Variants in RBFOX3 observed in about 807,000 individuals in gnomAD.
RBFOX3 encodes the protein RNA binding fox-1 homolog 3.
RBFOX3 carries 17 observed loss-of-function variants against 48.7 expected under a neutral mutation model. The ratio of observed to expected loss-of-function variants is 0.35; its 90% CI spans 0.24 to 0.52. The LOEUF (loss-of-function observed/expected upper bound fraction) is 0.52, where lower values mean the gene tolerates loss of function less well. Ranked by LOEUF, RBFOX3 falls within the 20% of genes least tolerant of loss-of-function variation. The pLI is 0.94. For synonymous variants in RBFOX3, 212 were observed against 209.5 expected (o/e 1.01, Z -0.10); for missense variants, 382 against 497.5 (o/e 0.77, Z 2.21).
At chr17:79,630,073 G>A in the RBFOX3 span, among the ~76,000 whole-genome samples, 1 of 152,150 alleles carries the variant, frequency 6.6e-6, no homozygotes, top group African/African-American at 2.4e-5. Context: ...AAAACTATAA[G>A]GAAAAATTTT....
chr17:79,215,781 G>C (rs1319835340), intron 4 of RBFOX3, among the ~76,000 whole-genome samples: 1 of 152,264 alleles, frequency 6.6e-6, no homozygotes, highest in Non-Finnish European at 1.5e-5. Context: ...CCCTCTCTCA[G>C]CCTGCCCTGA....
intron 2 of RBFOX3, among the ~76,000 whole-genome samples, chr17:79,449,019 G>A (rs1027364313): frequency 9.2e-5 from 14 of 152,056 alleles, no homozygotes; most frequent in Non-Finnish European, 1.5e-4. Flanking sequence ...TGCCTGCCTC[G>A]GCCACTGGGT....
In RBFOX3 at chr17:79,430,031, G is replaced by A. The variant is rs1443250565; in HGVS notation, c.-175+52423C>T. Among the ~76,000 whole-genome samples, 3 of 152,134 alleles carry A rather than the reference G, an allele frequency of 2.0e-5. No homozygotes were observed. The East Asian group carries it at 5.8e-4, about 29-fold the overall frequency. On this transcript the variant is annotated intron_variant, in intron 2 of 14. Coordinates refer to ENST00000693108, the MANE Select transcript of RBFOX3 (RefSeq NM_001350451.2). ...GGCAGGGGGCTGCCGAGGCGAGGTG[G>A]GGGAGCCTGGTGCTTCACCTAGCTC...
In RBFOX3 at chr17:79,243,083, C is replaced by T. The variant is rs1243685826; in HGVS notation, c.-73-7278G>A. On this transcript the variant is annotated intron_variant, in intron 3 of 14. Coordinates refer to ENST00000693108, the MANE Select transcript of RBFOX3 (RefSeq NM_001350451.2). The surrounding 1 kb of genome is among the most constrained non-coding windows in gnomAD (Gnocchi z 7.9). Reference sequence around the variant, plus strand: ...GATGATGTCATTTCAGCTTTACAACCACCCTAGGGGGCAGGTACTATGATC... The same window carrying T: ...GATGATGTCATTTCAGCTTTACAACTACCCTAGGGGGCAGGTACTATGATC... 6.6e-6 allele frequency among the ~76,000 whole-genome samples: 1 copy of T among 152,154 alleles called. No homozygotes were observed. The highest frequency in any genetic ancestry group is 2.4e-5 in the African/African-American group (1 of 41,434).
At chr17:79,216,900 C>T (rs143214974) in intron 4 of RBFOX3, among the ~76,000 whole-genome samples, 2,485 of 152,230 alleles carry the variant, frequency 0.016, 23 homozygotes, top group Middle Eastern at 0.027. Flanking sequence ...CCATTGAGCC[C>T]ACTGCCCAGA....
In RBFOX3 at chr17:79,464,245, G is replaced by A. The variant is rs9890431; in HGVS notation, c.-175+18209C>T. Among the ~76,000 whole-genome samples, 864 of 152,336 alleles carry A rather than the reference G, an allele frequency of 5.7e-3. 8 individuals are homozygous for A. The highest frequency in any genetic ancestry group is 0.013 in the African/African-American group (539 of 41,574). The stretch of plus-strand genomic sequence containing the variant: ...CCCTTCACCACCAAGGAGACTGGCC[G>A]ATTTCCTCTCCTTCAAGCTTCTTCC... On this transcript the variant is annotated intron_variant, in intron 2 of 14. Coordinates refer to ENST00000693108, the MANE Select transcript of RBFOX3 (RefSeq NM_001350451.2).
intron 2 of RBFOX3, among the ~76,000 whole-genome samples, chr17:79,410,793 A>G (rs777026124): frequency 1.3e-5 from 2 of 152,076 alleles, no homozygotes; most frequent in Admixed American, 1.3e-4. Flanking sequence ...GAGCTCTGCA[A>G]TCCCTCCTGC....
At chr17:79,114,631 C>T (rs970648555) in intron 5 of RBFOX3, among the ~76,000 whole-genome samples, 3 of 152,212 alleles carry the variant, frequency 2.0e-5, no homozygotes, top group Admixed American at 6.5e-5. Flanking sequence ...GCCGCCGGGG[C>T]GGTGCCACTC....
At chr17:79,324,764 G>A (rs927270913) in intron 2 of RBFOX3, among the ~76,000 whole-genome samples, 2 of 152,210 alleles carry the variant, frequency 1.3e-5, no homozygotes, top group Admixed American at 6.5e-5. Flanking sequence ...ACACCTGGCC[G>A]AGCAACCTGC....
chr17:79,643,490 T>G, the RBFOX3 span, among the ~76,000 whole-genome samples: 1 of 151,824 alleles, frequency 6.6e-6, no homozygotes, highest in Admixed American at 6.5e-5. Context: ...ATACTCATTC[T>G]TTTCAAGTTT....
chr17:79,483,714 A>G (rs2079116208), intron 1 of RBFOX3, among the ~76,000 whole-genome samples: 2 of 151,808 alleles, frequency 1.3e-5, no homozygotes, highest in African/African-American at 4.8e-5. Flanking sequence ...TTAGTGCTGA[A>G]TCCCCAGTGC....
At position 79,242,324 on chromosome 17, in the gene RBFOX3, G is replaced by C. The variant is rs904333873; in HGVS notation, c.-73-6519C>G. ...TGTGTTACTTCAGATTTTATGAAAC[G>C]ATCTGTTTGTGCTCTTTCCCTAAGG... is the stretch of plus-strand genomic sequence containing the variant. On this transcript the variant is annotated intron_variant, in intron 3 of 14. Transcript: ENST00000693108. This position sits in a 1 kb window ranked among gnomAD's most constrained non-coding sequence, Gnocchi z 5.8. 1.3e-5 allele frequency among the ~76,000 whole-genome samples: 2 copies of C among 152,066 alleles called. No homozygotes were observed. Among genetic ancestry groups the C allele is most frequent in the South Asian group, 4.2e-4 (2 of 4,818 alleles).
rs568044223 is a variant in RBFOX3 at position 79,471,788 on chromosome 17, T to A, written c.-175+10666A>T. Among the ~76,000 whole-genome samples, 73 of 152,312 alleles carry A rather than the reference T, an allele frequency of 4.8e-4. 2 individuals carry two copies. The South Asian group carries it at 7.7e-3, about 16-fold the overall frequency. ...AGGCAGGTTAGCTATCCCAGCCCTA[T>A]GCATCACTCCTGCATCACACCTAGC... On this transcript the variant is annotated intron_variant, in intron 2 of 14. Transcript: ENST00000693108. This position sits in a 1 kb window ranked among gnomAD's most constrained non-coding sequence, Gnocchi z 4.0.
intron 2 of RBFOX3, among the ~76,000 whole-genome samples, chr17:79,359,701 TTGACTATCTCC>T (rs1443338527): frequency 1.3e-5 from 2 of 151,732 alleles, no homozygotes; most frequent in African/African-American, 4.8e-5. Context: ...TCTGCCAGGT[TTGACTATCTCC>T]TGCACTTCGT....
intron 2 of RBFOX3, among the ~76,000 whole-genome samples, chr17:79,394,609 C>T (rs2061763352): frequency 6.6e-6 from 1 of 152,230 alleles, no homozygotes. Context: ...AAATGAAGGA[C>T]GTGAACTGGA....
intron 4 of RBFOX3, among the ~76,000 whole-genome samples, chr17:79,177,443 G>A (rs1259300587): frequency 6.6e-6 from 1 of 152,184 alleles, no homozygotes; most frequent in Admixed American, 6.5e-5. Context: ...AGGAGAGGCG[G>A]GAGGCACATT....
intron 1 of RBFOX3, among the ~76,000 whole-genome samples, chr17:79,569,753 G>T (rs966766404): frequency 5.3e-5 from 8 of 152,268 alleles, no homozygotes; most frequent in Non-Finnish European, 8.8e-5. Flanking sequence ...TGTTTGGATG[G>T]ATGGAAAGAT....
intron 4 of RBFOX3, among the ~76,000 whole-genome samples, chr17:79,233,071 G>A (rs1043265573): frequency 6.6e-6 from 1 of 152,210 alleles, no homozygotes; most frequent in African/African-American, 2.4e-5. Flanking sequence ...AGCTTTATTT[G>A]TAACAGCCCC....
chr17:79,233,380 A>G (rs4789960), intron 4 of RBFOX3, among the ~76,000 whole-genome samples: 39,993 of 152,142 alleles, frequency 0.26, 5,579 homozygotes, highest in Middle Eastern at 0.36. Context: ...AAGAGATTAC[A>G]AAGAGGCACA....
Sources: gnomAD v4.1 joint callset for allele counts (sites outside exome capture counted in the v4.1 genomes callset) on GRCh38, gnomAD v4.1.1 for gene constraint, Gnocchi (gnomAD v3.1) non-coding constraint, MANE v1.5 for transcripts, NCBI Gene and HGNC (gene_info 2026-07-23, HGNC 2026-07-21) for gene names.